IKBKE: variants seen among roughly 807,000 people sequenced by gnomAD.
IKBKE encodes inhibitor of nuclear factor kappa B kinase subunit epsilon, also known as inhibitor of nuclear factor kappa-B kinase subunit epsilon.
In IKBKE, 45 loss-of-function variants were observed where a neutral mutation model predicts 92.1. The observed-to-expected ratio is 0.49, with a 90% CI of 0.38 to 0.63. IKBKE has a LOEUF of 0.63. Ranked by LOEUF, IKBKE falls within the 20% of genes least tolerant of loss-of-function variation. The pLI, the probability that IKBKE is intolerant of heterozygous loss-of-function variation, is 0.00. For synonymous variants in IKBKE, 374 were observed against 380.3 expected, an observed-to-expected ratio of 0.98 and a Z score of 0.19; for missense variants, 700 against 932.8, an observed-to-expected ratio of 0.75 and a Z score of 3.25.
In IKBKE at chr1:206,476,083, C is replaced by A; in HGVS notation, c.359-98C>A. 8.5e-7 allele frequency: 1 copy of A among 1,175,866 alleles called. No individual in the cohort carries two copies. The highest frequency in any genetic ancestry group is 1.2e-6 in the Non-Finnish European group (1 of 809,658). 72.8% of individuals were successfully genotyped at this position (1,175,866 alleles called of 1,614,324 possible). On this transcript the variant is annotated intron_variant, in intron 5 of 21. Transcript: ENST00000581977. The surrounding 1 kb of genome is among the most constrained non-coding windows in gnomAD (Gnocchi z 5.1). ...TCTGTCAGCCCATGGGAACTCCTGTCTCTCTGGATGCAAGGACAGCCTTCC... is the reference window on the plus strand; with the variant it reads ...TCTGTCAGCCCATGGGAACTCCTGTATCTCTGGATGCAAGGACAGCCTTCC...
intron 12 of IKBKE, 98 bp from the exon 13 acceptor site, chr1:206,480,349 C>T (rs1465194006): frequency 9.6e-6 from 10 of 1,047,094 alleles, no homozygotes; most frequent in Admixed American, 3.9e-5. Context: ...AGGGGGAGGC[C>T]GGCAGGAGGT....
At chr1:206,492,712 C>T in intron 18 of IKBKE, 1 of 543,930 alleles carries the variant, frequency 1.8e-6, no homozygotes, top group Non-Finnish European at 3.7e-6. Context: ...TCCTCTGCCT[C>T]TCTGCAGCCT....
chr1:206,472,346 G>A (rs2103444957), intron 2 of IKBKE, among the ~76,000 whole-genome samples: 1 of 152,252 alleles, frequency 6.6e-6, no homozygotes, highest in Middle Eastern at 3.4e-3. Flanking sequence ...GCCAGCACTG[G>A]CCTTATTTTT....
intron 16 of IKBKE, among the ~76,000 whole-genome samples, chr1:206,488,766 T>C (rs1280786808): frequency 2.0e-5 from 3 of 152,202 alleles, no homozygotes; most frequent in Non-Finnish European, 4.4e-5. Context: ...TGGGATTATC[T>C]AAAAACCACT....
At position 206,479,091 on chromosome 1, in the gene IKBKE, C is replaced by T; in HGVS notation, c.1141C>T (p.Leu381Phe). Residue 381 changes from leucine (L) to phenylalanine (F), a missense_variant, in exon 10 of 22, where the codon CTC (leucine) becomes TTC (phenylalanine). Leu to Phe is a conservative substitution (Grantham distance 22). Coordinates refer to ENST00000581977, the MANE Select transcript of IKBKE (RefSeq NM_014002.4). ...AHTTASSPLT[L>F]FSTAIPKGLA... ...CACGACGGCAAGCAGCCCCCTGACC[C>T]TCTTCAGCACAGCCATCCCTAAGGG... 6.2e-7 allele frequency: 1 copy of T among 1,612,740 alleles called. No homozygotes were observed. Among genetic ancestry groups the T allele is most frequent in the Admixed American group, 1.7e-5 (1 of 59,982 alleles).
chr1:206,476,251 C>T lies in IKBKE; in HGVS notation c.429C>T (p.Arg143=). Residue 143 remains arginine, a synonymous_variant, in exon 6 of 22, where the codon CGC becomes CGT. Coordinates refer to ENST00000581977, the MANE Select transcript of IKBKE (RefSeq NM_014002.4). The surrounding 1 kb of genome is among the most constrained non-coding windows in gnomAD (Gnocchi z 5.1). ...HRDIKPGNIM[R]LVGEEGQSIY... ...ACATCAAGCCGGGGAACATCATGCG[C>T]CTCGTAGGGGAGGAGGGGCAGAGCA... 1 of 1,614,120 alleles carries T rather than the reference C, an allele frequency of 6.2e-7. No homozygotes were observed. The highest frequency in any genetic ancestry group is 8.5e-7 in the Non-Finnish European group (1 of 1,179,996).
chr1:206,491,408 G>A (rs1553390305), intron 17 of IKBKE: 3 of 452,154 alleles, frequency 6.6e-6, no homozygotes, highest in Admixed American at 3.5e-5. Flanking sequence ...GTTCCCTGAG[G>A]ACCCCCTGTG....
Position 206,480,390 on chromosome 1 carries a change from T to C in IKBKE, c.1341-57T>C, listed in dbSNP as rs372012756. 2.1e-5 allele frequency: 29 copies of C among 1,392,648 alleles called. 1 individual carries two copies. In the African/African-American group the frequency reaches 3.7e-4, roughly 18 times the overall value. The allele number at this position is 1,392,648 out of a possible 1,614,324, so 86.3% of individuals were successfully genotyped here. A position where few individuals can be genotyped will look rare whatever the true frequency, so the allele number is the denominator to read the frequency against. On this transcript the variant is annotated intron_variant, in intron 12 of 21. Coordinates refer to ENST00000581977, the MANE Select transcript of IKBKE (RefSeq NM_014002.4). ...CCAGTATCCTGGGATGCTGTCTGCA[T>C]GCACGGTGCTGAGTCCCCCGATCAA...
chr1:206,476,957 C>A lies in IKBKE; in HGVS notation c.701+119C>A. 1 of 1,080,682 alleles carries A rather than the reference C, an allele frequency of 9.3e-7. No individual in the cohort carries two copies. Among genetic ancestry groups the A allele is most frequent in the Admixed American group, 2.4e-5 (1 of 41,156 alleles). 66.9% of individuals were successfully genotyped at this position (1,080,682 alleles called of 1,614,324 possible). On this transcript the variant is annotated intron_variant, in intron 7 of 21. Coordinates refer to ENST00000581977, the MANE Select transcript of IKBKE (RefSeq NM_014002.4). The surrounding 1 kb of genome is among the most constrained non-coding windows in gnomAD (Gnocchi z 5.1). ...CTCCATGGCCCTCCTCTGGTCCACC[C>A]CCCAACCCAGGCTCTTTGTAGATCT...
rs782609772 is a variant in IKBKE, at chr1:206,496,168, T to C, written c.*23T>C. On this transcript the variant is annotated 3_prime_UTR_variant, in exon 22 of 22. Transcript: ENST00000581977. ...TGAGCTCCATGGGGCACATGAGGCA[T>C]CCTGAAGCATTAGAATGATTCCAAC... 4.4e-6 allele frequency: 7 copies of C among 1,597,642 alleles called. No homozygotes were observed. The Admixed American group carries it at 1.2e-4, about 27-fold the overall frequency.
At position 206,476,223 on chromosome 1, in the gene IKBKE, G is replaced by A. The variant is rs1464747771; in HGVS notation, c.401G>A (p.Arg134His). The change falls in exon 6 of 22, where the codon CGC becomes CAC. Residue 134 changes from arginine (R) to histidine (H), a missense_variant. Arg to His is a conservative substitution (Grantham distance 29). Transcript: ENST00000581977. This position sits in a 1 kb window ranked among gnomAD's most constrained non-coding sequence, Gnocchi z 5.1. ...NHLRENGIVHRDIKPGNIMRL... is the reference protein window; with the variant it reads ...NHLRENGIVHHDIKPGNIMRL... ...CTGCGGGAGAACGGCATTGTGCATC[G>A]CGACATCAAGCCGGGGAACATCATG... 1.9e-6 allele frequency: 3 copies of A among 1,614,150 alleles called. No individual in the cohort carries two copies. Among genetic ancestry groups the A allele is most frequent in the Non-Finnish European group, 2.5e-6 (3 of 1,180,028 alleles).
At chr1:206,473,038 C>T in intron 2 of IKBKE, 158 bp from the exon 3 acceptor site, 1 of 621,204 alleles carries the variant, frequency 1.6e-6, no homozygotes, top group South Asian at 1.9e-5. Flanking sequence ...AGTTACTTAA[C>T]CTTTCTGTGC....
At chr1:206,482,058 C>T (rs1046228562) in intron 13 of IKBKE, among the ~76,000 whole-genome samples, 3 of 151,910 alleles carry the variant, frequency 2.0e-5, no homozygotes, top group East Asian at 1.9e-4. Flanking sequence ...GGATTACAGG[C>T]GTGAGCCACC....
In IKBKE at chr1:206,487,594, C is replaced by T. The variant is rs147176176; in HGVS notation, c.1617-320C>T. ...TCCTTCCCAGGGCCTAGTCTCACAA[C>T]TTCTCAGGTAGTAAAGGCCACGTTC... On this transcript the variant is annotated intron_variant, in intron 15 of 21. Transcript: ENST00000581977. The surrounding 1 kb of genome is among the most constrained non-coding windows in gnomAD (Gnocchi z 5.3). Among the ~76,000 whole-genome samples, 2 of 152,268 alleles carry T rather than the reference C, an allele frequency of 1.3e-5. No homozygotes were observed. Among genetic ancestry groups the T allele is most frequent in the South Asian group, 2.1e-4 (1 of 4,824 alleles).
At position 206,488,397 on chromosome 1, in the gene IKBKE, G is replaced by A. The variant is rs544573319; in HGVS notation, c.1693+407G>A. ...TGTCCTTGGGACACTGAGACAGTCAGGTTTTCCAGAAAAGGGGGGGTCAGG... is the reference window on the plus strand; with the variant it reads ...TGTCCTTGGGACACTGAGACAGTCAAGTTTTCCAGAAAAGGGGGGGTCAGG... On this transcript the variant is annotated intron_variant, in intron 16 of 21. Coordinates refer to ENST00000581977, the MANE Select transcript of IKBKE (RefSeq NM_014002.4). 2.6e-5 allele frequency among the ~76,000 whole-genome samples: 4 copies of A among 152,294 alleles called. No individual in the cohort carries two copies. The South Asian group carries it at 8.3e-4, about 32-fold the overall frequency.
intron 3 of IKBKE, 50 bp downstream of exon 3, chr1:206,473,364 C>T: frequency 7.2e-7 from 1 of 1,394,212 alleles, no homozygotes. Flanking sequence ...TTGGCCCCCT[C>T]ATGCCTCAGA....
At position 206,473,286 on chromosome 1, in the gene IKBKE, C is replaced by T. The variant is rs2103446806; in HGVS notation, c.59C>T (p.Thr20Ile). ...HTDDLLGQGA[T>I]ASVYKARNKK... ...GATGACCTGCTGGGGCAGGGGGCCA[C>T]TGCCAGTGTGTACAAGGCCCGCAAC... The change falls in exon 3 of 22, where the codon ACT becomes ATT. Residue 20 changes from threonine to isoleucine, a missense_variant. Thr to Ile is a moderately conservative substitution (Grantham distance 89). Transcript: ENST00000581977. 1 of 1,612,998 alleles carries T rather than the reference C, an allele frequency of 6.2e-7. No individual in the cohort carries two copies. The highest frequency in any genetic ancestry group is 8.5e-7 in the Non-Finnish European group (1 of 1,179,598).
Position 206,476,406 on chromosome 1 carries a change from C to A in IKBKE, c.540+44C>A. ...ACCCGCTGCCCTATGCTGAGGGCTCCCCTTGCCTTGTGAGCCCCCCAGAGC... is the reference window on the plus strand; with the variant it reads ...ACCCGCTGCCCTATGCTGAGGGCTCACCTTGCCTTGTGAGCCCCCCAGAGC... On this transcript the variant is annotated intron_variant, in intron 6 of 21. Transcript: ENST00000581977. This position sits in a 1 kb window ranked among gnomAD's most constrained non-coding sequence, Gnocchi z 5.1. The A allele has an allele frequency of 6.4e-7, 1 of 1,558,418 alleles. No homozygotes were observed. Among genetic ancestry groups the A allele is most frequent in the Non-Finnish European group, 8.7e-7 (1 of 1,145,104 alleles).
Position 206,478,988 on chromosome 1 carries a change from C to T in IKBKE, c.1038C>T (p.Ala346=), listed in dbSNP as rs1665220960. The T allele has an allele frequency of 3.1e-6, 5 of 1,614,112 alleles. No homozygotes were observed. Among genetic ancestry groups the T allele is most frequent in the Non-Finnish European group, 4.2e-6 (5 of 1,180,036 alleles). The part of the protein sequence containing the change: ...QEAVHKQTSV[A]PRHQEYLFEG... ...CCGTGCACAAGCAGACCAGTGTGGC[C>T]CCCCGACACCAGGAGTACCTCTTTG... Residue 346 remains alanine, a synonymous_variant, in exon 10 of 22, where the codon GCC becomes GCT. Coordinates refer to ENST00000581977, the MANE Select transcript of IKBKE (RefSeq NM_014002.4). The surrounding 1 kb of genome is among the most constrained non-coding windows in gnomAD (Gnocchi z 4.8).
Sources: allele counts gnomAD v4.1 joint callset (sites outside exome capture counted in the v4.1 genomes callset), GRCh38; gene constraint gnomAD v4.1.1; non-coding constraint Gnocchi (gnomAD v3.1); transcripts MANE v1.5; gene names NCBI Gene and HGNC (gene_info 2026-07-23, HGNC 2026-07-21).